CBFA2T3: variants seen among roughly 807,000 people sequenced by gnomAD.
CBFA2T3 encodes the protein transcriptional corepressor CBFA2T3.
In CBFA2T3, 31 loss-of-function variants were observed where a neutral mutation model predicts 58.6. That is an observed-to-expected ratio of 0.53 (90% CI 0.40 to 0.71). CBFA2T3 has a LOEUF of 0.71. Ranked by LOEUF, CBFA2T3 falls within the 30% of genes least tolerant of loss-of-function variation. The probability of loss-of-function intolerance (pLI) is 0.00; values close to 1 mark genes in which losing one functional copy is unlikely to be tolerated. For missense variants in CBFA2T3, 1,076 were observed against 963.1 expected, an observed-to-expected ratio of 1.12 and a Z score of -1.55; for synonymous variants, 531 against 421.9, an observed-to-expected ratio of 1.26 and a Z score of -3.17.
intron 7 of CBFA2T3, 94 bp downstream of exon 7, chr16:88,884,952 G>A (rs529704180): frequency 2.9e-5 from 27 of 924,110 alleles, no homozygotes; most frequent in Middle Eastern, 3.4e-4. Context: ...ACAGCTGCCC[G>A]TGGTGCCCTG....
chr16:88,921,231 G>T (rs1970908447), intron 1 of CBFA2T3, among the ~76,000 whole-genome samples: 1 of 152,228 alleles, frequency 6.6e-6, no homozygotes, highest in African/African-American at 2.4e-5. Flanking sequence ...CAGGTAAATT[G>T]TTTCCTGCCT....
At chr16:88,926,074 G>A (rs918859565) in intron 1 of CBFA2T3, among the ~76,000 whole-genome samples, 6 of 152,200 alleles carry the variant, frequency 3.9e-5, no homozygotes, top group African/African-American at 1.4e-4. Context: ...GGAGCACTTG[G>A]TGGGCGCTGG....
At chr16:88,941,449 C>G (rs1232808607) in intron 1 of CBFA2T3, among the ~76,000 whole-genome samples, 1 of 147,660 alleles carries the variant, frequency 6.8e-6, no homozygotes, top group Non-Finnish European at 1.5e-5. Flanking sequence ...CCATGGCGCT[C>G]AGCTCCGCCC....
In CBFA2T3 at chr16:88,898,587, C is replaced by T. The variant is rs116580123; in HGVS notation, c.305-435G>A. 5.8e-3 allele frequency among the ~76,000 whole-genome samples: 890 copies of T among 152,328 alleles called. 7 individuals carry two copies. The highest frequency in any genetic ancestry group is 0.02 in the African/African-American group (850 of 41,568). ...GGCCCCTTGTTTTCATCGTCCTCTT[C>T]CCAGAAGGCCCCTGTGACCCCATGA... is the stretch of plus-strand genomic sequence containing the variant. On this transcript the variant is annotated intron_variant, in intron 2 of 11. Coordinates refer to ENST00000268679, the MANE Select transcript of CBFA2T3 (RefSeq NM_005187.6).
At position 88,885,747 on chromosome 16, in the gene CBFA2T3, C is replaced by T. The variant is rs1428053173; in HGVS notation, c.893+214G>A. On this transcript the variant is annotated intron_variant, in intron 6 of 11. Transcript: ENST00000268679. This position sits in a 1 kb window ranked among gnomAD's most constrained non-coding sequence, Gnocchi z 5.3. ...CCTCCTCCCTGTCCTCCTAGGCTCC[C>T]CGGAGCATCTGAGTCTGCAGCCCAC... The T allele has an allele frequency of 7.0e-6, 4 of 569,996 alleles. No individual in the cohort carries two copies. Among genetic ancestry groups the T allele is most frequent in the African/African-American group, 5.7e-5 (3 of 52,372 alleles). 35.3% of individuals were successfully genotyped at this position (569,996 alleles called of 1,614,324 possible). A position where few individuals can be genotyped will look rare whatever the true frequency, so the allele number is the denominator to read the frequency against.
intron 1 of CBFA2T3, among the ~76,000 whole-genome samples, chr16:88,907,796 A>T (rs1167200279): frequency 1.3e-5 from 2 of 152,206 alleles, no homozygotes; most frequent in Non-Finnish European, 1.5e-5. Context: ...CCCTCACCCC[A>T]GAGCAGGGGC....
intron 1 of CBFA2T3, among the ~76,000 whole-genome samples, chr16:88,903,709 T>C (rs1013098823): frequency 1.5e-5 from 1 of 65,686 alleles, no homozygotes; most frequent in Non-Finnish European, 3.1e-5. Flanking sequence ...GCGTTCCTGG[T>C]GGGGGCAGCC....
intron 5 of CBFA2T3, among the ~76,000 whole-genome samples, chr16:88,888,105 G>A (rs544639769): frequency 2.6e-3 from 391 of 152,182 alleles, no homozygotes; most frequent in Non-Finnish European, 4.1e-3. Context: ...AATCAGCTCA[G>A]TCCTTTCCCA....
intron 1 of CBFA2T3, chr16:88,957,687 A>C (rs1278543520): frequency 6.6e-6 from 1 of 152,302 alleles, no homozygotes; most frequent in Non-Finnish European, 1.5e-5. Flanking sequence ...TTATTCAGAC[A>C]TAAGAAGGAA....
At chr16:88,956,605 A>C (rs1183338979) in intron 1 of CBFA2T3, among the ~76,000 whole-genome samples, 1 of 152,236 alleles carries the variant, frequency 6.6e-6, no homozygotes, top group African/African-American at 2.4e-5. Flanking sequence ...ATACCGTGGC[A>C]GAGGGAGGCG....
intron 1 of CBFA2T3, among the ~76,000 whole-genome samples, chr16:88,970,499 C>T (rs1312768491): frequency 6.6e-6 from 1 of 152,204 alleles, no homozygotes; most frequent in Non-Finnish European, 1.5e-5. Flanking sequence ...GTGAGCTCGG[C>T]TGGTTTCCTG....
chr16:88,962,499 A>G (rs926827049), intron 1 of CBFA2T3, among the ~76,000 whole-genome samples: 3 of 152,114 alleles, frequency 2.0e-5, no homozygotes, highest in Admixed American at 1.3e-4. Flanking sequence ...AAGCATTGTG[A>G]TCCATTACCC....
chr16:88,914,780 G>A (rs1325501798), intron 1 of CBFA2T3, among the ~76,000 whole-genome samples: 1 of 152,202 alleles, frequency 6.6e-6, no homozygotes, highest in Non-Finnish European at 1.5e-5. Flanking sequence ...TGAGCTCAGA[G>A]GCTGGAGTGA....
chr16:88,919,875 T>C (rs1324935266), intron 1 of CBFA2T3, among the ~76,000 whole-genome samples: 2 of 152,196 alleles, frequency 1.3e-5, no homozygotes, highest in African/African-American at 4.8e-5. Flanking sequence ...GGTTCCTTCA[T>C]CTGCACAAAG....
At chr16:88,897,974 C>A in intron 3 of CBFA2T3, 104 bp downstream of exon 3, 1 of 843,448 alleles carries the variant, frequency 1.2e-6, no homozygotes, top group Admixed American at 1.8e-5. Context: ...GTGCGGAGGC[C>A]GGGGAGGAGA....
At chr16:88,932,106 G>A (rs538384911) in intron 1 of CBFA2T3, among the ~76,000 whole-genome samples, 2 of 152,088 alleles carry the variant, frequency 1.3e-5, no homozygotes, top group Non-Finnish European at 2.9e-5. Flanking sequence ...AACGGCACCC[G>A]ACGCAGTGAC....
At chr16:88,931,008 C>T (rs1270474632) in intron 1 of CBFA2T3, among the ~76,000 whole-genome samples, 1 of 151,922 alleles carries the variant, frequency 6.6e-6, no homozygotes, top group Non-Finnish European at 1.5e-5. Context: ...AAATGATAAA[C>T]GTTATGTGTA....
Position 88,881,327 on chromosome 16 carries a change from G to A in CBFA2T3, c.1366C>T (p.Arg456Cys), listed in dbSNP as rs202023439. Residue 456 changes from arginine to cysteine, a missense_variant, in exon 9 of 12, where the codon CGC (arginine) becomes TGC (cysteine). Coordinates refer to ENST00000268679, the MANE Select transcript of CBFA2T3 (RefSeq NM_005187.6). ...CCTTCGGGACCGGCGGAGCTGCTGC[G>A]GGGCCGGGCCGCGGCGGGAGCGGGG... ...KGPAPAAARPRSSSAGPEGPQ... is the reference protein window; with the variant it reads ...KGPAPAAARPCSSSAGPEGPQ... 13,306 of 1,587,132 alleles carry A rather than the reference G, an allele frequency of 8.4e-3. 66 individuals are homozygous for A. The highest frequency in any genetic ancestry group is 0.01 in the Non-Finnish European group (11,996 of 1,167,756).
intron 1 of CBFA2T3, among the ~76,000 whole-genome samples, chr16:88,947,176 C>T (rs763716178): frequency 6.6e-6 from 1 of 152,258 alleles, no homozygotes; most frequent in Non-Finnish European, 1.5e-5. Context: ...GGACCCCCCA[C>T]TAGGGAACAA....
Sources: allele counts gnomAD v4.1 joint callset (sites outside exome capture counted in the v4.1 genomes callset), GRCh38; gene constraint gnomAD v4.1.1; non-coding constraint Gnocchi (gnomAD v3.1); transcripts MANE v1.5; gene names NCBI Gene and HGNC (gene_info 2026-07-23, HGNC 2026-07-21).